The following CDH12 variants were observed in gnomAD, a reference collection of about 807,000 sequenced individuals.
The protein encoded by CDH12 is cadherin 12.
Under a neutral mutation model 74.1 loss-of-function variants are expected in CDH12, and 41 were observed. The observed-to-expected ratio is 0.55, with a 90% confidence interval of 0.43 to 0.72. The LOEUF (loss-of-function observed/expected upper bound fraction) is 0.72, where lower values mean the gene tolerates loss of function less well. Among genes scored for constraint, CDH12 ranks in the 30% least tolerant of loss-of-function variants. CDH12 has a pLI of 0.00. For missense variants in CDH12, 945 were observed against 977.2 expected (o/e 0.97, Z 0.44); for synonymous variants, 399 against 355.0 (o/e 1.12, Z -1.39).
intron 4 of CDH12, among the ~76,000 whole-genome samples, chr5:22,164,001 T>A (rs955498044): frequency 8.5e-5 from 13 of 152,236 alleles, no homozygotes; most frequent in Non-Finnish European, 1.5e-4. Flanking sequence ...AGGAAGTATG[T>A]CCCATGAATC....
chr5:22,437,388 A>T (rs946953615), intron 2 of CDH12, among the ~76,000 whole-genome samples: 2 of 151,840 alleles, frequency 1.3e-5, no homozygotes, highest in African/African-American at 4.8e-5. Flanking sequence ...GTTATATTTG[A>T]TTCTAATATT....
intron 1 of CDH12, among the ~76,000 whole-genome samples, chr5:22,714,879 A>G (rs910176658): frequency 2.0e-5 from 3 of 152,212 alleles, no homozygotes; most frequent in Non-Finnish European, 4.4e-5. Context: ...GAATGCTTGA[A>G]CAGATGTAAA....
intron 4 of CDH12, among the ~76,000 whole-genome samples, chr5:22,094,239 C>T (rs1288212593): frequency 6.6e-6 from 1 of 152,156 alleles, no homozygotes; most frequent in Non-Finnish European, 1.5e-5. Context: ...CATGCCTCAG[C>T]TTATTTTCTA....
At chr5:22,312,713 T>C (rs1738446440) in intron 3 of CDH12, among the ~76,000 whole-genome samples, 1 of 152,342 alleles carries the variant, frequency 6.6e-6, no homozygotes. Context: ...TCCATCTTTT[T>C]TTCATTAATA....
chr5:21,919,131 T>C (rs1754238945), intron 6 of CDH12, among the ~76,000 whole-genome samples: 3 of 152,156 alleles, frequency 2.0e-5, no homozygotes, highest in African/African-American at 7.2e-5. Flanking sequence ...TCTCAAAGTA[T>C]TTACAAATTT....
chr5:21,953,908 C>A (rs1364155373), intron 6 of CDH12, among the ~76,000 whole-genome samples: 2 of 152,032 alleles, frequency 1.3e-5, no homozygotes, highest in African/African-American at 4.8e-5. Flanking sequence ...ATAAAAGTTA[C>A]CAGATGTCTC....
At chr5:22,654,973 A>T (rs1226958859) in intron 1 of CDH12, among the ~76,000 whole-genome samples, 5 of 152,144 alleles carry the variant, frequency 3.3e-5, no homozygotes, top group African/African-American at 1.2e-4. Context: ...CTCAGAATCC[A>T]GACCACAATA....
chr5:22,545,926 TTTGTTGTTGTTGTTGTTG>T (rs57476797), intron 1 of CDH12, among the ~76,000 whole-genome samples: 1 of 151,216 alleles, frequency 6.6e-6, no homozygotes, highest in African/African-American at 2.4e-5. Context: ...TGTCTAGATT[TTTGTTGTTGTTGTTGTTG>T]TTGTTGTTGT....
intron 4 of CDH12, among the ~76,000 whole-genome samples, chr5:22,168,683 T>C (rs1354524487): frequency 6.6e-6 from 1 of 151,924 alleles, no homozygotes; most frequent in African/African-American, 2.4e-5. Flanking sequence ...CTTGCAGCTT[T>C]CACATATGGA....
At chr5:22,493,713 C>A (rs1215566536) in intron 2 of CDH12, among the ~76,000 whole-genome samples, 1 of 151,856 alleles carries the variant, frequency 6.6e-6, no homozygotes, top group Non-Finnish European at 1.5e-5. Flanking sequence ...TTTATGGATA[C>A]CGTGAGATGG....
At chr5:22,687,129 A>C (rs939411083) in intron 1 of CDH12, among the ~76,000 whole-genome samples, 1 of 152,098 alleles carries the variant, frequency 6.6e-6, no homozygotes, top group Non-Finnish European at 1.5e-5. Flanking sequence ...CCCCGTCTGT[A>C]CTAAAAATAC....
intron 1 of CDH12, among the ~76,000 whole-genome samples, chr5:22,526,681 T>C (rs868333021): frequency 3.7e-4 from 56 of 152,186 alleles, no homozygotes; most frequent in African/African-American, 1.1e-3. Context: ...AACAGATGAG[T>C]TGAATTAGGA....
At chr5:21,785,497 A>G (rs1561183273) in intron 10 of CDH12, among the ~76,000 whole-genome samples, 1 of 152,240 alleles carries the variant, frequency 6.6e-6, no homozygotes, top group African/African-American at 2.4e-5. Flanking sequence ...ATGCAAAGGA[A>G]GAGTCCTTGA....
At chr5:22,826,885 A>G (rs527388072) in intron 1 of CDH12, among the ~76,000 whole-genome samples, 2 of 152,354 alleles carry the variant, frequency 1.3e-5, no homozygotes, top group South Asian at 2.1e-4. Flanking sequence ...GAAAACTTGC[A>G]GTCTGACAAT....
At chr5:22,436,859 C>CA (rs1406382384) in intron 2 of CDH12, among the ~76,000 whole-genome samples, 4 of 152,064 alleles carry the variant, frequency 2.6e-5, no homozygotes, top group African/African-American at 9.7e-5. Context: ...AATGATTACT[C>CA]AGCACAACAA....
chr5:22,470,693 C>A (rs762630523), intron 2 of CDH12, among the ~76,000 whole-genome samples: 1 of 152,090 alleles, frequency 6.6e-6, no homozygotes, highest in Admixed American at 6.6e-5. Flanking sequence ...GCTGGCATTA[C>A]AAGCATGAGC....
intron 3 of CDH12, among the ~76,000 whole-genome samples, chr5:22,337,021 C>G (rs1450408076): frequency 6.6e-6 from 1 of 152,212 alleles, no homozygotes; most frequent in Non-Finnish European, 1.5e-5. Context: ...GAACCTACCT[C>G]TTGCATAAGT....
At chr5:22,473,002 C>T (rs1746028358) in intron 2 of CDH12, among the ~76,000 whole-genome samples, 1 of 152,038 alleles carries the variant, frequency 6.6e-6, no homozygotes, top group Non-Finnish European at 1.5e-5. Context: ...TTGATCTGTC[C>T]CTAGAATTCT....
At chr5:22,623,404 T>A (rs1001726441) in intron 1 of CDH12, among the ~76,000 whole-genome samples, 1 of 152,188 alleles carries the variant, frequency 6.6e-6, no homozygotes, top group African/African-American at 2.4e-5. Flanking sequence ...TGATTGTATA[T>A]TTAGAAAACC....
Sources: gnomAD v4.1 joint callset for allele counts (sites outside exome capture counted in the v4.1 genomes callset) on GRCh38, gnomAD v4.1.1 for gene constraint, MANE v1.5 for transcripts, NCBI Gene and HGNC (gene_info 2026-07-23, HGNC 2026-07-21) for gene names.